The following SOX5 variants were observed in gnomAD, a reference collection of about 807,000 sequenced individuals.
SOX5 encodes the protein transcription factor SOX-5.
Under a neutral mutation model 92.0 loss-of-function variants are expected in SOX5, and 9 were observed. That is an observed-to-expected ratio of 0.10 (90% CI 0.06 to 0.17). The LOEUF is 0.17. Among genes scored for constraint, SOX5 ranks in the 10% least tolerant of loss-of-function variants. The probability of loss-of-function intolerance (pLI) is 1.00; values close to 1 mark genes in which losing one functional copy is unlikely to be tolerated. For synonymous variants in SOX5, 344 were observed against 336.3 expected (o/e 1.02, Z -0.25); for missense variants, 642 against 944.5 (o/e 0.68, Z 4.20).
rs139275394 is a variant in SOX5 at position 24,557,154 on chromosome 12, G to T, written c.-251+5175C>A. Among the ~76,000 whole-genome samples the T allele has an allele frequency of 2.0e-3, 303 of 152,232 alleles. 1 individual carries two copies. The highest frequency in any genetic ancestry group is 0.015 in the South Asian group (71 of 4,814). On this transcript the variant is annotated intron_variant, in intron 1 of 4. Coordinates refer to the SOX5 transcript ENST00000446891. ...GCTTGTAATCCCAGCACTTTGGGAG[G>T]CTGAGGTGGAGGATCACGAGGTCAG...
chr12:24,549,048 C>T (rs1219668538), intron 1 of SOX5, among the ~76,000 whole-genome samples: 3 of 152,166 alleles, frequency 2.0e-5, no homozygotes, highest in Non-Finnish European at 4.4e-5. Flanking sequence ...CTTTTCCCTC[C>T]CTCTTTGGAA....
At chr12:24,091,428 ATTTTTTT>A (rs556198750) in intron 4 of SOX5, among the ~76,000 whole-genome samples, 1 of 122,696 alleles carries the variant, frequency 8.2e-6, no homozygotes. Context: ...AGAGAATGCT[ATTTTTTT>A]TTTTTTTTTT....
chr12:24,425,826 T>TA (rs1053235662), intron 1 of SOX5, among the ~76,000 whole-genome samples: 2 of 152,156 alleles, frequency 1.3e-5, no homozygotes, highest in African/African-American at 4.8e-5. Context: ...GGGCACACTG[T>TA]GAGTCAAGAT....
At chr12:24,026,832 C>T (rs1349337728) in intron 4 of SOX5, among the ~76,000 whole-genome samples, 1 of 151,842 alleles carries the variant, frequency 6.6e-6, no homozygotes, top group Non-Finnish European at 1.5e-5. Context: ...GAGGACTTTG[C>T]CATGATCGTG....
intron 2 of SOX5, among the ~76,000 whole-genome samples, chr12:24,315,352 T>A (rs1053654927): frequency 6.6e-6 from 1 of 151,946 alleles, no homozygotes; most frequent in Non-Finnish European, 1.5e-5. Flanking sequence ...AATTAACATA[T>A]CTTACTTGTA....
chr12:23,667,652 C>G (rs910640108), intron 6 of SOX5, among the ~76,000 whole-genome samples: 8 of 152,112 alleles, frequency 5.3e-5, no homozygotes, highest in Admixed American at 5.2e-4. Flanking sequence ...GGAACTGCAT[C>G]TCCTGTCTCA....
chr12:24,104,268 C>G (rs756721230), intron 4 of SOX5, among the ~76,000 whole-genome samples: 8 of 152,008 alleles, frequency 5.3e-5, no homozygotes, highest in Non-Finnish European at 1.0e-4. Flanking sequence ...AATTCCATAT[C>G]AAAATGACTA....
intron 1 of SOX5, among the ~76,000 whole-genome samples, chr12:24,402,212 A>G (rs1961890141): frequency 6.6e-6 from 1 of 152,236 alleles, no homozygotes; most frequent in Admixed American, 6.5e-5. Flanking sequence ...GCAGTGTTAA[A>G]TAGCACAATT....
chr12:23,852,635 CTAAA>C (rs2096645356), intron 2 of SOX5, among the ~76,000 whole-genome samples: 1 of 152,024 alleles, frequency 6.6e-6, no homozygotes, highest in South Asian at 2.1e-4. Flanking sequence ...AATTAGGAAA[CTAAA>C]TAAATATTTA....
At chr12:24,122,219 T>C (rs1593356449) in intron 4 of SOX5, among the ~76,000 whole-genome samples, 1 of 152,296 alleles carries the variant, frequency 6.6e-6, no homozygotes, top group African/African-American at 2.4e-5. Context: ...CTTTGAAGAA[T>C]TGTAACAGGA....
chr12:23,666,921 T>C (rs554482536), intron 6 of SOX5, among the ~76,000 whole-genome samples: 3 of 152,312 alleles, frequency 2.0e-5, no homozygotes, highest in Admixed American at 1.3e-4. Context: ...TACACATTCC[T>C]AGCGTTCTTA....
chr12:23,535,278 T>C (rs906460737), intron 14 of SOX5, among the ~76,000 whole-genome samples: 2 of 152,216 alleles, frequency 1.3e-5, no homozygotes, highest in East Asian at 1.9e-4. Flanking sequence ...AATAAAACTT[T>C]ACTGCCCAGA....
intron 3 of SOX5, among the ~76,000 whole-genome samples, chr12:23,804,912 G>GTT (rs1208115079): frequency 1.8e-4 from 15 of 81,466 alleles, no homozygotes; most frequent in African/African-American, 6.3e-4. Flanking sequence ...ACCTATCATT[G>GTT]TTTTATATAT....
intron 4 of SOX5, among the ~76,000 whole-genome samples, chr12:24,014,635 T>C (rs1025770397): frequency 1.3e-5 from 2 of 152,186 alleles, no homozygotes; most frequent in African/African-American, 4.8e-5. Flanking sequence ...AAAAGTCAAC[T>C]CATACCTTAA....
At chr12:23,789,384 T>G (rs530832832) in intron 3 of SOX5, among the ~76,000 whole-genome samples, 1 of 152,174 alleles carries the variant, frequency 6.6e-6, no homozygotes, top group Non-Finnish European at 1.5e-5. Context: ...GTATTAACCT[T>G]TTAAGTGAGA....
chr12:23,828,578 A>C lies in SOX5; in HGVS notation c.481+17405T>G, dbSNP rs557133510. Among the ~76,000 whole-genome samples, 10 of 152,258 alleles carry C rather than the reference A, an allele frequency of 6.6e-5. No homozygotes were observed. In the South Asian group the frequency reaches 2.1e-3, roughly 32 times the overall value. Reference sequence around the variant, plus strand: ...TTTCAGTATTCTGAGCTTATACTTCATAAAAGTTTGTGTTCAAATGTCCTG... The same window carrying C: ...TTTCAGTATTCTGAGCTTATACTTCCTAAAAGTTTGTGTTCAAATGTCCTG... On this transcript the variant is annotated intron_variant, in intron 3 of 14. Coordinates refer to ENST00000451604, the MANE Select transcript of SOX5 (RefSeq NM_006940.6).
chr12:24,514,612 A>T (rs1255726528), intron 1 of SOX5, among the ~76,000 whole-genome samples: 1 of 152,242 alleles, frequency 6.6e-6, no homozygotes, highest in Admixed American at 6.5e-5. Context: ...GTATAAGTTC[A>T]TTGCAGCACT....
chr12:24,227,844 A>G (rs901146796), intron 3 of SOX5: 8 of 152,204 alleles, frequency 5.3e-5, no homozygotes, highest in African/African-American at 1.9e-4. Flanking sequence ...CTAATAAGTA[A>G]AATGAAAGCA....
At chr12:23,917,609 G>C (rs2097430749) in intron 1 of SOX5, among the ~76,000 whole-genome samples, 1 of 151,924 alleles carries the variant, frequency 6.6e-6, no homozygotes, top group African/African-American at 2.4e-5. Context: ...TCAAAATGAT[G>C]GCATTTTGCT....
Sources: gnomAD v4.1 joint callset for allele counts (sites outside exome capture counted in the v4.1 genomes callset) on GRCh38, gnomAD v4.1.1 for gene constraint, MANE v1.5 for transcripts, NCBI Gene and HGNC (gene_info 2026-07-23, HGNC 2026-07-21) for gene names.